Variants in HNRNPLL observed in about 807,000 individuals in gnomAD.
HNRNPLL encodes heterogeneous nuclear ribonucleoprotein L-like.
Under a neutral mutation model 67.1 loss-of-function variants are expected in HNRNPLL, and 25 were observed. The ratio of observed to expected loss-of-function variants is 0.37; its 90% CI spans 0.27 to 0.52. HNRNPLL has a LOEUF of 0.52. HNRNPLL is among the 20% of genes least tolerant of loss of function. HNRNPLL has a pLI of 0.90. For missense variants in HNRNPLL, 542 were observed against 673.9 expected, an observed-to-expected ratio of 0.80 and a Z score of 2.17; for synonymous variants, 267 against 241.7, an observed-to-expected ratio of 1.10 and a Z score of -0.97.
chr2:38,574,426 G>A (rs1016111467), intron 7 of HNRNPLL, among the ~76,000 whole-genome samples: 3 of 151,796 alleles, frequency 2.0e-5, no homozygotes, highest in African/African-American at 4.8e-5. Context: ...TACATGCAAA[G>A]GTCCCCCTGA....
At chr2:38,573,161 T>C (rs759011734) in intron 8 of HNRNPLL, 49 bp downstream of exon 8, 1 of 1,256,074 alleles carries the variant, frequency 8.0e-7, no homozygotes, top group Non-Finnish European at 1.1e-6. Flanking sequence ...CTTTTCAGAG[T>C]TACCACTGAA....
In HNRNPLL at chr2:38,562,902, T is replaced by C. The variant is rs1665718593; in HGVS notation, c.*1280A>G. On this transcript the variant is annotated 3_prime_UTR_variant, in exon 13 of 13. Coordinates refer to ENST00000449105, the MANE Select transcript of HNRNPLL (RefSeq NM_138394.4). Reference sequence around the variant, plus strand: ...ATATTAAAATTTAAAATAAAGTCTTTACAAAAGATCTAAATGGAACTTTCA... The same window carrying C: ...ATATTAAAATTTAAAATAAAGTCTTCACAAAAGATCTAAATGGAACTTTCA... 6.6e-6 allele frequency: 1 copy of C among 152,116 alleles called. No homozygotes were observed. Among genetic ancestry groups the C allele is most frequent in the African/African-American group, 2.4e-5 (1 of 41,452 alleles). 9.4% of individuals were successfully genotyped at this position (152,116 alleles called of 1,614,324 possible).
intron 4 of HNRNPLL, among the ~76,000 whole-genome samples, 161 bp downstream of exon 4, chr2:38,583,680 T>C (rs1216016428): frequency 1.3e-5 from 2 of 152,200 alleles, no homozygotes; most frequent in African/African-American, 2.4e-5. Context: ...TCATAAATAG[T>C]AAAATTCCCT....
chr2:38,573,362 G>C lies in HNRNPLL; in HGVS notation c.940C>G (p.Leu314Val). 6.2e-7 allele frequency: 1 copy of C among 1,612,656 alleles called. No individual in the cohort carries two copies. The highest frequency in any genetic ancestry group is 8.5e-7 in the Non-Finnish European group (1 of 1,179,132). The change falls in exon 8 of 13, where the codon CTT becomes GTT. Residue 314 changes from leucine (L) to valine (V), a missense_variant. Physicochemically the swap from Leu to Val is conservative, Grantham distance 32. Coordinates refer to ENST00000449105, the MANE Select transcript of HNRNPLL (RefSeq NM_138394.4). ...GCCTGTGGTAATGGATAAGCAACAA[G>C]TTCAGGTGTATCTCGAGAGCCCATT... ...YRMGSRDTPELVAYPLPQASS... is the reference protein window; with the variant it reads ...YRMGSRDTPEVVAYPLPQASS...
At chr2:38,570,975 C>T (rs1159182337) in intron 8 of HNRNPLL, among the ~76,000 whole-genome samples, 1 of 152,056 alleles carries the variant, frequency 6.6e-6, no homozygotes, top group Non-Finnish European at 1.5e-5. Context: ...TGCCCAAGAG[C>T]TAGAGGCTGA....
At chr2:38,586,551 T>G (rs1265686716) in intron 2 of HNRNPLL, among the ~76,000 whole-genome samples, 1 of 152,182 alleles carries the variant, frequency 6.6e-6, no homozygotes, top group Non-Finnish European at 1.5e-5. Flanking sequence ...GCAGACAGAA[T>G]CCCTACTTGA....
At chr2:38,576,637 A>C (rs952518238) in intron 7 of HNRNPLL, among the ~76,000 whole-genome samples, 2 of 151,834 alleles carry the variant, frequency 1.3e-5, no homozygotes, top group East Asian at 1.9e-4. Flanking sequence ...TGGTCATTAA[A>C]GTAAGTATGT....
intron 12 of HNRNPLL, among the ~76,000 whole-genome samples, chr2:38,567,493 G>A (rs1294716555): frequency 1.3e-5 from 2 of 152,150 alleles, no homozygotes; most frequent in Admixed American, 6.6e-5. Context: ...GGAGGTTGTA[G>A]AAAGCTTTAA....
Position 38,563,990 on chromosome 2 carries a change from A to G in HNRNPLL, c.*192T>C. On this transcript the variant is annotated 3_prime_UTR_variant, in exon 13 of 13. Transcript: ENST00000449105. Reference sequence around the variant, plus strand: ...TAGATAGTCTACATTATGATATTCTATCTTAAAATGAAAACAATTCAATAT... The same window carrying G: ...TAGATAGTCTACATTATGATATTCTGTCTTAAAATGAAAACAATTCAATAT... 1.8e-6 allele frequency: 1 copy of G among 543,886 alleles called. No individual in the cohort carries two copies. Among genetic ancestry groups the G allele is most frequent in the South Asian group, 2.4e-5 (1 of 42,264 alleles). 33.7% of individuals were successfully genotyped at this position (543,886 alleles called of 1,614,324 possible).
intron 6 of HNRNPLL, chr2:38,581,176 C>A (rs1666516413): frequency 6.6e-6 from 1 of 152,182 alleles, no homozygotes; most frequent in South Asian, 2.1e-4. Flanking sequence ...TGCCAATTAA[C>A]AATTTGAATC....
At chr2:38,598,049 T>G (rs1572467034) in intron 1 of HNRNPLL, among the ~76,000 whole-genome samples, 1 of 152,148 alleles carries the variant, frequency 6.6e-6, no homozygotes, top group African/African-American at 2.4e-5. Context: ...AGAAATCATT[T>G]GGTTTTGCCT....
At chr2:38,593,311 T>C (rs1312645498) in intron 1 of HNRNPLL, among the ~76,000 whole-genome samples, 2 of 152,216 alleles carry the variant, frequency 1.3e-5, no homozygotes, top group Non-Finnish European at 2.9e-5. Flanking sequence ...ATCATTACAT[T>C]CTTAAATATA....
intron 7 of HNRNPLL, among the ~76,000 whole-genome samples, chr2:38,574,048 G>T (rs1666202647): frequency 6.6e-6 from 1 of 151,818 alleles, no homozygotes; most frequent in African/African-American, 2.4e-5. Context: ...ACAGTATCAA[G>T]AACCCAGAAG....
chr2:38,569,373 T>G (rs779566797), intron 9 of HNRNPLL, 39 bp from the exon 10 acceptor site: 1 of 1,464,712 alleles, frequency 6.8e-7, no homozygotes, highest in African/African-American at 1.4e-5. Context: ...AAGTACTTTG[T>G]TAGATAAAAA....
At chr2:38,589,103 T>C (rs1304900874) in intron 2 of HNRNPLL, among the ~76,000 whole-genome samples, 1 of 152,156 alleles carries the variant, frequency 6.6e-6, no homozygotes, top group East Asian at 1.9e-4. Flanking sequence ...GAAAAAGAAA[T>C]ACAACATGTA....
chr2:38,575,867 C>T (rs1666283233), intron 7 of HNRNPLL, among the ~76,000 whole-genome samples: 1 of 151,656 alleles, frequency 6.6e-6, no homozygotes, highest in African/African-American at 2.4e-5. Flanking sequence ...CATCTTACTT[C>T]TCTTCTCTGC....
chr2:38,584,713 TAC>T (rs1573742571), intron 3 of HNRNPLL, among the ~76,000 whole-genome samples: 1 of 152,136 alleles, frequency 6.6e-6, no homozygotes, highest in East Asian at 1.9e-4. Context: ...AGGAAGACCA[TAC>T]AGTTACATGT....
chr2:38,594,562 G>T (rs1372649393), intron 1 of HNRNPLL, among the ~76,000 whole-genome samples: 1 of 152,010 alleles, frequency 6.6e-6, no homozygotes, highest in African/African-American at 2.4e-5. Flanking sequence ...CTAAGTGAAG[G>T]ATATACGTTA....
At chr2:38,564,996 G>GAAA (rs555303643) in intron 12 of HNRNPLL, among the ~76,000 whole-genome samples, 2 of 118,470 alleles carry the variant, frequency 1.7e-5, no homozygotes, top group African/African-American at 3.3e-5. Flanking sequence ...TGAAATTACT[G>GAAA]AAAAAAAAAA....
Sources: allele counts gnomAD v4.1 joint callset (sites outside exome capture counted in the v4.1 genomes callset), GRCh38; gene constraint gnomAD v4.1.1; transcripts MANE v1.5; gene names NCBI Gene and HGNC (gene_info 2026-07-23, HGNC 2026-07-21).